CIRSR: variants seen among roughly 807,000 people sequenced by gnomAD.
The protein encoded by CIRSR is CBF1 (RBPJ) interacting corepressor 1.
the CIRSR span, among the ~76,000 whole-genome samples, chr2:174,392,004 G>C: frequency 6.6e-6 from 1 of 151,984 alleles, no homozygotes; most frequent in Non-Finnish European, 1.5e-5. Context: ...AGGTATGCAG[G>C]TTTCTTTTTT....
At chr2:174,351,632 T>C in the CIRSR span, 2 of 1,613,392 alleles carry the variant, frequency 1.2e-6, no homozygotes, top group Non-Finnish European at 1.7e-6. Flanking sequence ...TGATGGATCA[T>C]TTGCGGTCAA....
chr2:174,386,994 G>C, the CIRSR span, among the ~76,000 whole-genome samples: 2 of 152,098 alleles, frequency 1.3e-5, no homozygotes, highest in Non-Finnish European at 2.9e-5. Flanking sequence ...CTCAATAAAA[G>C]TTACTAAGAT....
chr2:174,382,758 G>T, the CIRSR span, among the ~76,000 whole-genome samples: 1 of 151,916 alleles, frequency 6.6e-6, no homozygotes, highest in Non-Finnish European at 1.5e-5. Context: ...TTCCCTGTTT[G>T]AGCTCTGTTT....
chr2:174,374,457 A>T, the CIRSR span, among the ~76,000 whole-genome samples: 3 of 152,116 alleles, frequency 2.0e-5, no homozygotes, highest in South Asian at 6.2e-4. Flanking sequence ...ATCTTCTATG[A>T]GCTTGGGTTC....
chr2:174,377,837 A>AAAAC, the CIRSR span, among the ~76,000 whole-genome samples: 2 of 151,470 alleles, frequency 1.3e-5, no homozygotes, highest in Non-Finnish European at 2.9e-5. Context: ...AAAAAAAAAA[A>AAAAC]AAAAAAAAAA....
chr2:174,380,468 T>C, the CIRSR span, among the ~76,000 whole-genome samples: 1 of 152,066 alleles, frequency 6.6e-6, no homozygotes, highest in African/African-American at 2.4e-5. Context: ...AATGAAAAAG[T>C]ATATAAAACA....
At chr2:174,376,273 T>C in the CIRSR span, among the ~76,000 whole-genome samples, 9 of 152,178 alleles carry the variant, frequency 5.9e-5, no homozygotes, top group East Asian at 1.3e-3. Context: ...TTCATTTAGA[T>C]AGAGAAAAAG....
the CIRSR span, among the ~76,000 whole-genome samples, chr2:174,390,634 GTTTGGCTGTGTCCCCACCC>G: frequency 6.6e-6 from 1 of 152,160 alleles, no homozygotes; most frequent in African/African-American, 2.4e-5. Flanking sequence ...GAATGGTATG[GTTTGGCTGTGTCCCCACCC>G]AATCTCATCT....
the CIRSR span, among the ~76,000 whole-genome samples, chr2:174,381,239 G>T: frequency 6.6e-6 from 1 of 152,134 alleles, no homozygotes; most frequent in African/African-American, 2.4e-5. Flanking sequence ...TCTGTTGTAT[G>T]ATTATAGTTT....
chr2:174,357,068 A>C, the CIRSR span, among the ~76,000 whole-genome samples: 1 of 152,186 alleles, frequency 6.6e-6, no homozygotes, highest in Non-Finnish European at 1.5e-5. Flanking sequence ...TGGTTTGCTC[A>C]GATTAGGATA....
the CIRSR span, among the ~76,000 whole-genome samples, chr2:174,361,074 C>T: frequency 6.8e-6 from 1 of 147,462 alleles, no homozygotes; most frequent in Non-Finnish European, 1.5e-5. Context: ...CAAGTACAAT[C>T]AACTACGATC....
the CIRSR span, among the ~76,000 whole-genome samples, chr2:174,395,182 G>A: frequency 1.3e-5 from 2 of 152,126 alleles, no homozygotes; most frequent in African/African-American, 4.8e-5. Context: ...AAGTAAACGG[G>A]GAGGCTTCTT....
At chr2:174,377,817 G>A in the CIRSR span, among the ~76,000 whole-genome samples, 3 of 76,984 alleles carry the variant, frequency 3.9e-5, no homozygotes, top group Admixed American at 2.3e-4. Flanking sequence ...AGAGCCAGAC[G>A]CCATCTCAAA....
At chr2:174,358,684 T>C in the CIRSR span, 1 of 152,710 alleles carries the variant, frequency 6.5e-6, no homozygotes, top group African/African-American at 2.4e-5. Flanking sequence ...TGTGCTGTGA[T>C]GAACCTGAAG....
At chr2:174,362,686 CAAAAAAAAAAAAAAAA>C in the CIRSR span, among the ~76,000 whole-genome samples, 2 of 20,654 alleles carry the variant, frequency 9.7e-5, no homozygotes, top group African/African-American at 1.1e-4. Context: ...GACTCTGCCT[CAAAAAAAAAAAAAAAA>C]AAAAAAAAAA....
At chr2:174,385,667 T>C in the CIRSR span, among the ~76,000 whole-genome samples, 7 of 151,768 alleles carry the variant, frequency 4.6e-5, no homozygotes, top group Non-Finnish European at 8.8e-5. Flanking sequence ...GTTAAATGGA[T>C]ATACGAGCCA....
At chr2:174,356,501 A>C in the CIRSR span, among the ~76,000 whole-genome samples, 1 of 129,164 alleles carries the variant, frequency 7.7e-6, no homozygotes, top group South Asian at 3.2e-4. Flanking sequence ...GACGGGAAGG[A>C]AGAAGGGAAG....
chr2:174,349,858 CA>C, the CIRSR span, among the ~76,000 whole-genome samples: 1 of 151,816 alleles, frequency 6.6e-6, no homozygotes, highest in Non-Finnish European at 1.5e-5. Flanking sequence ...TAGCTATAAT[CA>C]GATGAAAAAT....
At chr2:174,380,754 A>G in the CIRSR span, 12 of 1,607,324 alleles carry the variant, frequency 7.5e-6, no homozygotes, top group African/African-American at 1.3e-5. Context: ...ATTTTTCCAT[A>G]TAATACAATC....
Sources: allele counts gnomAD v4.1 joint callset (sites outside exome capture counted in the v4.1 genomes callset), GRCh38; gene constraint gnomAD v4.1.1; transcripts MANE v1.5; gene names NCBI Gene and HGNC (gene_info 2026-07-23, HGNC 2026-07-21).